Variants in CEP126 observed in about 807,000 individuals in gnomAD.
The protein encoded by CEP126 is centrosomal protein of 126 kDa.
A neutral mutation model predicts 107.8 loss-of-function variants in CEP126; 74 were observed. The ratio of observed to expected loss-of-function variants is 0.69; its 90% CI spans 0.57 to 0.83. The LOEUF is 0.83. CEP126 is among the 40% of genes least tolerant of loss of function. The pLI is 0.00. For synonymous variants in CEP126, 449 were observed against 446.0 expected (o/e 1.01, Z -0.08); for missense variants, 1,237 against 1,281.9 (o/e 0.96, Z 0.53).
At chr11:101,964,346 T>G (rs1338429394) in intron 6 of CEP126, among the ~76,000 whole-genome samples, 3 of 136,004 alleles carry the variant, frequency 2.2e-5, no homozygotes, top group Admixed American at 2.2e-4. Context: ...AATATTGTGA[T>G]TTTTGGCCAG....
At chr11:101,927,156 G>C (rs1345650773) in intron 2 of CEP126, among the ~76,000 whole-genome samples, 14 of 152,132 alleles carry the variant, frequency 9.2e-5, no homozygotes, top group Admixed American at 9.2e-4. Context: ...ACAAAAATTA[G>C]CTGGGCATTG....
Position 101,920,515 on chromosome 11 carries a change from T to A in CEP126, c.129-2126T>A, listed in dbSNP as rs77855382. The stretch of plus-strand genomic sequence containing the variant: ...TTGTTCTAAAAAAGACAAATAGATA[T>A]GCCCTACAATCTATAACTTCAGTAT... On this transcript the variant is annotated intron_variant, in intron 1 of 10. Transcript: ENST00000263468. Among the ~76,000 whole-genome samples the A allele has an allele frequency of 7.1e-4, 108 of 152,292 alleles. 1 individual carries two copies. The East Asian group carries it at 0.017, about 24-fold the overall frequency.
At chr11:101,991,341 T>C (rs1941378982) in intron 9 of CEP126, among the ~76,000 whole-genome samples, 1 of 152,096 alleles carries the variant, frequency 6.6e-6, no homozygotes, top group Admixed American at 6.6e-5. Context: ...GTTTCTAGTA[T>C]TCCAAAAATC....
intron 5 of CEP126, among the ~76,000 whole-genome samples, chr11:101,960,946 C>A (rs1940961577): frequency 6.6e-6 from 1 of 151,926 alleles, no homozygotes; most frequent in East Asian, 1.9e-4. Context: ...TATTTTTAAA[C>A]ATTTACCATA....
At chr11:101,951,110 A>G (rs559036492) in intron 4 of CEP126, among the ~76,000 whole-genome samples, 3 of 152,164 alleles carry the variant, frequency 2.0e-5, no homozygotes, top group African/African-American at 7.2e-5. Flanking sequence ...TAGTGAGAGG[A>G]TGAGAGAGAA....
chr11:101,961,716 A>G (rs1940971471), intron 5 of CEP126, 25 bp from the exon 6 acceptor site: 1 of 1,325,916 alleles, frequency 7.5e-7, no homozygotes, highest in African/African-American at 1.5e-5. Context: ...TATAAGCTAT[A>G]AAACAATGTT....
In CEP126 at chr11:101,962,901, A is replaced by C. The variant is rs61744542; in HGVS notation, c.1866A>C (p.Glu622Asp). Residue 622 changes from glutamate (E) to aspartate (D), a missense_variant, in exon 6 of 11, where the codon GAA becomes GAC. Around this residue, in one of 3 missense-constraint regions of CEP126, gnomAD observed 1,134 missense variants for 1,150.5 expected, o/e 0.99. Transcript: ENST00000263468. ...AATTAACAAAGGAAAAAGGTGCAGA[A>C]ATTCCAAAGACCATTAAAAAACTGA... ...SIELTKEKGAEIPKTIKKLRW... is the reference protein window; with the variant it reads ...SIELTKEKGADIPKTIKKLRW... 90 of 1,609,886 alleles carry C rather than the reference A, an allele frequency of 5.6e-5. No homozygotes were observed. The African/African-American group carries it at 1.1e-3, about 20-fold the overall frequency.
At position 101,915,294 on chromosome 11, in the gene CEP126, G is replaced by A. The variant is rs1160659600; in HGVS notation, c.10G>A (p.Gly4Arg). The A allele has an allele frequency of 1.9e-6, 3 of 1,613,564 alleles. No homozygotes were observed. Among genetic ancestry groups the A allele is most frequent in the Non-Finnish European group, 2.5e-6 (3 of 1,179,948 alleles). MLA[G>R]RPGTRSAVGE... Reference sequence around the variant, plus strand: ...GGCGCTGAAGTGAAGGATGCTGGCGGGGAGGCCCGGAACCCGGAGCGCGGT... The same window carrying A: ...GGCGCTGAAGTGAAGGATGCTGGCGAGGAGGCCCGGAACCCGGAGCGCGGT... The change falls in exon 1 of 11, where the codon GGG becomes AGG. Residue 4 changes from glycine to arginine, a missense_variant. Physicochemically the swap from Gly to Arg is moderately radical, Grantham distance 125 (BLOSUM62 -2). Coordinates refer to ENST00000263468, the MANE Select transcript of CEP126 (RefSeq NM_020802.4).
Position 101,922,008 on chromosome 11 carries a change from C to T in CEP126, c.129-633C>T, listed in dbSNP as rs916232636. ...CCGTGTTGGCCAGGCTGGTCTCAAA[C>T]TCCTGACCTCAGGTGATCCACCCGC... is the stretch of plus-strand genomic sequence containing the variant. On this transcript the variant is annotated intron_variant, in intron 1 of 10. Coordinates refer to ENST00000263468, the MANE Select transcript of CEP126 (RefSeq NM_020802.4). 3.3e-5 allele frequency among the ~76,000 whole-genome samples: 5 copies of T among 151,760 alleles called. No individual in the cohort carries two copies. The East Asian group carries it at 9.8e-4, about 30-fold the overall frequency.
At chr11:101,920,712 C>T (rs2137077171) in intron 1 of CEP126, among the ~76,000 whole-genome samples, 1 of 151,706 alleles carries the variant, frequency 6.6e-6, no homozygotes, top group Admixed American at 6.6e-5. Context: ...CTCAAGCGAT[C>T]TTCCCACATC....
chr11:101,985,286 C>CTT (rs1332724086), intron 8 of CEP126, among the ~76,000 whole-genome samples: 28 of 136,842 alleles, frequency 2.0e-4, no homozygotes, highest in African/African-American at 7.1e-4. Context: ...AAATGAGTTT[C>CTT]TTTTTTTTTT....
chr11:101,986,855 T>C lies in CEP126; in HGVS notation c.3058T>C (p.Leu1020=). The part of the protein sequence containing the change: ...EEVSDSTSEF[L]MAENLVKASV... ...AGTTTCAGATAGTACTTCTGAGTTT[T>C]TGATGGCTGAAAACTTAGTGAAAGC... is the stretch of plus-strand genomic sequence containing the variant. Residue 1020 remains leucine, a synonymous_variant, in exon 9 of 11, where the codon TTG becomes CTG. Transcript: ENST00000263468. The C allele has an allele frequency of 6.2e-7, 1 of 1,613,848 alleles. No homozygotes were observed. The highest frequency in any genetic ancestry group is 1.3e-5 in the African/African-American group (1 of 75,046).
intron 1 of CEP126, 80 bp from the exon 2 acceptor site, chr11:101,922,561 G>C: frequency 1.9e-6 from 2 of 1,047,602 alleles, no homozygotes; most frequent in South Asian, 2.8e-5. Context: ...GCATGAGGCT[G>C]TAGTTATATT....
chr11:101,969,193 A>G (rs4754823), intron 6 of CEP126, among the ~76,000 whole-genome samples: 8,490 of 151,822 alleles, frequency 0.056, 464 homozygotes, highest in East Asian at 0.26. Context: ...ACTAATTTTT[A>G]TATTTTTTGC....
At chr11:101,985,988 A>ATTTTTTTTTTTTT (rs773628925) in intron 8 of CEP126, among the ~76,000 whole-genome samples, 2 of 126,458 alleles carry the variant, frequency 1.6e-5, no homozygotes, top group Non-Finnish European at 1.6e-5. Flanking sequence ...CTCTGAATTG[A>ATTTTTTTTTTTTT]TTTCTTTTTT....
chr11:101,920,605 CTTTT>C lies in CEP126; in HGVS notation c.129-2023_129-2020del, dbSNP rs5794145. On this transcript the variant is annotated intron_variant, in intron 1 of 10. Coordinates refer to ENST00000263468, the MANE Select transcript of CEP126 (RefSeq NM_020802.4). ...TGTGATTACACGGTAATTCAATGAA[CTTTT>C]TTTTTTTTTTTTGAGACAGAGTCTC... Among the ~76,000 whole-genome samples the C allele has an allele frequency of 2.6e-3, 372 of 141,532 alleles. 1 individual carries two copies. Among genetic ancestry groups the C allele is most frequent in the African/African-American group, 8.9e-3 (345 of 38,794 alleles). The allele number at this position is 141,532 out of a possible 152,430, so 92.9% of individuals were successfully genotyped here.
intron 4 of CEP126, chr11:101,956,170 T>G (rs1365536311): frequency 2.2e-6 from 1 of 456,510 alleles, no homozygotes; most frequent in Non-Finnish European, 4.4e-6. Context: ...ACAAGTTATT[T>G]TACAAAACTT....
intron 9 of CEP126, among the ~76,000 whole-genome samples, chr11:101,991,928 C>T (rs1351804669): frequency 6.6e-6 from 1 of 151,980 alleles, no homozygotes; most frequent in Non-Finnish European, 1.5e-5. Context: ...GTGCTAAAAT[C>T]ACAAAGAAAC....
chr11:101,926,260 G>A (rs148182054), intron 2 of CEP126, among the ~76,000 whole-genome samples: 6 of 152,234 alleles, frequency 3.9e-5, no homozygotes, highest in South Asian at 2.1e-4. Context: ...AAAGTCTCTC[G>A]TATTAGTTAA....
Sources: gnomAD v4.1 joint callset for allele counts (sites outside exome capture counted in the v4.1 genomes callset) on GRCh38, gnomAD v4.1.1 for gene constraint, gnomAD v4.1.1 regional missense constraint, MANE v1.5 for transcripts, NCBI Gene and HGNC (gene_info 2026-07-23, HGNC 2026-07-21) for gene names.